PCDHGB5: variants seen among roughly 807,000 people sequenced by gnomAD.
The protein encoded by PCDHGB5 is protocadherin gamma subfamily B, 5, also known as protocadherin gamma-B5.
A neutral mutation model predicts 62.9 loss-of-function variants in PCDHGB5; 48 were observed. The observed-to-expected ratio is 0.76, with a 90% CI of 0.61 to 0.97. The LOEUF (loss-of-function observed/expected upper bound fraction) is 0.97. Ranked by LOEUF, PCDHGB5 falls within the 50% of genes least tolerant of loss-of-function variation. PCDHGB5 has a pLI of 0.00. For missense variants in PCDHGB5, 1,118 were observed against 1,198.6 expected (o/e 0.93, Z 0.99); for synonymous variants, 474 against 511.2 (o/e 0.93, Z 0.98).
At chr5:141,422,806 C>A in intron 1 of PCDHGB5, 1 of 1,614,208 alleles carries the variant, frequency 6.2e-7, no homozygotes, top group Non-Finnish European at 8.5e-7. Flanking sequence ...TGAGCAGTTT[C>A]GAGACTTAGA....
In PCDHGB5 at chr5:141,422,644, T is replaced by C. The variant is rs770618826; in HGVS notation, c.2397+22120T>C. 9 of 1,612,266 alleles carry C rather than the reference T, an allele frequency of 5.6e-6. No homozygotes were observed. The Admixed American group carries it at 1.5e-4, about 27-fold the overall frequency. ...AAACAACCCCAGGGGTGCCTCCATC[T>C]TCTCAGTGACCGCCCTCGACCCGGA... On this transcript the variant is annotated intron_variant, in intron 1 of 3. Coordinates refer to ENST00000617380, the MANE Select transcript of PCDHGB5 (RefSeq NM_018925.3).
chr5:141,436,267 T>C (rs2097805427), intron 1 of PCDHGB5, among the ~76,000 whole-genome samples: 1 of 152,198 alleles, frequency 6.6e-6, no homozygotes, highest in South Asian at 2.1e-4. Flanking sequence ...TCTGCTCACC[T>C]AACTTGATTT....
In PCDHGB5 at chr5:141,505,496, T is replaced by C; in HGVS notation, c.2545+15T>C. 6.2e-7 allele frequency: 1 copy of C among 1,614,148 alleles called. No homozygotes were observed. The highest frequency in any genetic ancestry group is 8.5e-7 in the Non-Finnish European group (1 of 1,180,004). ...GTCCGCCAGTGGTAAGTGGTGTCAGTGTGTGTATGGAAGAGTGGGAGACCT... is the reference window on the plus strand; with the variant it reads ...GTCCGCCAGTGGTAAGTGGTGTCAGCGTGTGTATGGAAGAGTGGGAGACCT... On this transcript the variant is annotated intron_variant, in intron 3 of 3. Transcript: ENST00000617380.
At chr5:141,499,726 ACT>A (rs1368224475) in intron 2 of PCDHGB5, among the ~76,000 whole-genome samples, 1 of 128,608 alleles carries the variant, frequency 7.8e-6, no homozygotes, top group African/African-American at 3.0e-5. Flanking sequence ...ACAGAGTCTC[ACT>A]CTCTTGCCCA....
intron 1 of PCDHGB5, chr5:141,405,168 A>G: frequency 1.2e-6 from 2 of 1,613,960 alleles, no homozygotes. Flanking sequence ...CCCACCTCAC[A>G]CTTTGTGGGT....
intron 1 of PCDHGB5, among the ~76,000 whole-genome samples, chr5:141,437,811 C>A (rs964885701): frequency 6.6e-6 from 1 of 150,864 alleles, no homozygotes; most frequent in African/African-American, 2.4e-5. Flanking sequence ...TATCTTGGCT[C>A]ACTGCAACCT....
At chr5:141,457,280 A>G (rs964027392) in intron 1 of PCDHGB5, among the ~76,000 whole-genome samples, 2 of 152,196 alleles carry the variant, frequency 1.3e-5, no homozygotes, top group Admixed American at 1.3e-4. Context: ...TGGGCCTACG[A>G]AGTTCCTTGG....
chr5:141,491,714 C>A lies in PCDHGB5; in HGVS notation c.2398-3093C>A, dbSNP rs1321811999. On this transcript the variant is annotated intron_variant, in intron 1 of 3. Transcript: ENST00000617380. The surrounding 1 kb of genome is among the most constrained non-coding windows in gnomAD (Gnocchi z 6.9). ...GAGCGGAGCCAGGTGAGGGGCTCGG[C>A]GCCGCCCCGGGCGACCCCTGGGGGC... 2 of 1,608,742 alleles carry A rather than the reference C, an allele frequency of 1.2e-6. No individual in the cohort carries two copies. The highest frequency in any genetic ancestry group is 1.7e-6 in the Non-Finnish European group (2 of 1,177,914).
intron 1 of PCDHGB5, among the ~76,000 whole-genome samples, chr5:141,483,302 C>G (rs1262756268): frequency 2.0e-5 from 3 of 152,012 alleles, no homozygotes; most frequent in Admixed American, 6.5e-5. Context: ...AGTGAAGGGA[C>G]TGGGGACATT....
chr5:141,478,685 A>G, intron 1 of PCDHGB5: 3 of 1,551,308 alleles, frequency 1.9e-6, no homozygotes, highest in Non-Finnish European at 2.6e-6. Context: ...GGCCCTTCCT[A>G]GATCAAAGTT....
intron 1 of PCDHGB5, chr5:141,418,458 T>C: frequency 6.2e-7 from 1 of 1,614,010 alleles, no homozygotes; most frequent in African/African-American, 1.3e-5. Context: ...CAGAAGACTC[T>C]GGACCGAGAA....
intron 1 of PCDHGB5, chr5:141,404,273 C>G (rs751189949): frequency 6.2e-7 from 1 of 1,613,870 alleles, no homozygotes; most frequent in African/African-American, 1.3e-5. Flanking sequence ...CATCACCCTG[C>G]AAGTGACTGA....
At chr5:141,438,997 C>T (rs2098080665) in intron 1 of PCDHGB5, among the ~76,000 whole-genome samples, 1 of 151,716 alleles carries the variant, frequency 6.6e-6, no homozygotes, top group Admixed American at 6.6e-5. Flanking sequence ...AGGCTAAGGA[C>T]CTGGTTTGTT....
At chr5:141,403,163 A>G (rs1357883715) in intron 1 of PCDHGB5, 1 of 1,614,052 alleles carries the variant, frequency 6.2e-7, no homozygotes, top group Admixed American at 1.7e-5. Context: ...CTCTAGAGGT[A>G]GGACGCAGCT....
rs181202785 is a variant in PCDHGB5, at chr5:141,458,320, G to A, written c.2398-36487G>A. On this transcript the variant is annotated intron_variant, in intron 1 of 3. Transcript: ENST00000617380. ...TTTAGATAAAATGACACAGACACAT[G>A]TGGAGTGGTTTTAAGGAGTGGAGAG... is the stretch of plus-strand genomic sequence containing the variant. Among the ~76,000 whole-genome samples the A allele has an allele frequency of 3.2e-3, 490 of 152,250 alleles. 4 individuals are homozygous for A. The highest frequency in any genetic ancestry group is 0.017 in the Middle Eastern group (5 of 294).
At chr5:141,401,478 T>A (rs2094159554) in intron 1 of PCDHGB5, among the ~76,000 whole-genome samples, 1 of 152,186 alleles carries the variant, frequency 6.6e-6, no homozygotes. Flanking sequence ...TTTATCCAGG[T>A]TTTCTTGGAT....
intron 2 of PCDHGB5, 143 bp from the exon 3 acceptor site, chr5:141,505,250 T>C: frequency 2.8e-6 from 4 of 1,439,476 alleles, no homozygotes; most frequent in Non-Finnish European, 9.3e-7. Flanking sequence ...ATTGTAGAAG[T>C]GCCTCCTACC....
intron 1 of PCDHGB5, chr5:141,413,021 C>A: frequency 2.8e-6 from 2 of 714,374 alleles, no homozygotes; most frequent in Non-Finnish European, 4.4e-6. Context: ...TACACAAGCC[C>A]CACAAACCGG....
chr5:141,470,627 G>A (rs977900352), intron 1 of PCDHGB5, among the ~76,000 whole-genome samples: 3 of 152,154 alleles, frequency 2.0e-5, no homozygotes, highest in Non-Finnish European at 2.9e-5. Flanking sequence ...TGCTTAGATA[G>A]GCCCCCTTGC....
Sources: gnomAD v4.1 joint callset for allele counts (sites outside exome capture counted in the v4.1 genomes callset) on GRCh38, gnomAD v4.1.1 for gene constraint, Gnocchi (gnomAD v3.1) non-coding constraint, MANE v1.5 for transcripts, NCBI Gene and HGNC (gene_info 2026-07-23, HGNC 2026-07-21) for gene names.